Variants in GPR61 observed in about 807,000 individuals in gnomAD.
GPR61 encodes G protein-coupled receptor 61.
GPR61 carries 15 observed loss-of-function variants against 29.2 expected under a neutral mutation model. The ratio of observed to expected loss-of-function variants is 0.51; its 90% CI spans 0.34 to 0.79. GPR61 has a LOEUF of 0.79. GPR61 is among the 30% of genes least tolerant of loss of function. The pLI, the probability that GPR61 is intolerant of heterozygous loss-of-function variation, is 0.01. For missense variants in GPR61, 399 were observed against 582.5 expected, an observed-to-expected ratio of 0.69 and a Z score of 3.24; for synonymous variants, 238 against 242.3, an observed-to-expected ratio of 0.98 and a Z score of 0.17.
chr1:109,544,750 T>C lies in GPR61; in HGVS notation c.*372T>C, dbSNP rs1243162010. ...CAGCAGGCCAGGTTTGGAGTTATTC[T>C]AGGGGCCATTTAGGATATTTTATTT... On this transcript the variant is annotated 3_prime_UTR_variant, in exon 2 of 2. Transcript: ENST00000527748. This position sits in a 1 kb window ranked among gnomAD's most constrained non-coding sequence, Gnocchi z 4.6. 12 of 223,282 alleles carry C rather than the reference T, an allele frequency of 5.4e-5. No individual in the cohort carries two copies. The East Asian group carries it at 1.2e-3, about 22-fold the overall frequency. The allele number at this position is 223,282 out of a possible 1,614,324, so 13.8% of individuals were successfully genotyped here. A position where few individuals can be genotyped will look rare whatever the true frequency, so the allele number is the denominator to read the frequency against.
intron 1 of GPR61, among the ~76,000 whole-genome samples, chr1:109,540,885 A>G (rs372751738): frequency 3.1e-4 from 47 of 152,338 alleles, no homozygotes; most frequent in East Asian, 2.7e-3. Flanking sequence ...TCAGGGCTCC[A>G]TCATGGCTTC....
At chr1:109,542,105 G>C (rs1299164463) in intron 1 of GPR61, among the ~76,000 whole-genome samples, 2 of 152,238 alleles carry the variant, frequency 1.3e-5, no homozygotes, top group Non-Finnish European at 2.9e-5. Flanking sequence ...GTGGGCAAGA[G>C]TACTGGACCT....
In GPR61 at chr1:109,542,890, A is replaced by T; in HGVS notation, c.-133A>T. The T allele has an allele frequency of 1.5e-6, 2 of 1,293,158 alleles. No homozygotes were observed. The highest frequency in any genetic ancestry group is 2.6e-5 in the South Asian group (2 of 78,348). The allele number at this position is 1,293,158 out of a possible 1,614,324, so 80.1% of individuals were successfully genotyped here. ...GCTCTGTACGCAGACAAACCTGCCC[A>T]AGAGGCTCCAGTGGGAGGTGCCCCC... is the stretch of plus-strand genomic sequence containing the variant. On this transcript the variant is annotated 5_prime_UTR_variant, in exon 2 of 2. Coordinates refer to ENST00000527748, the MANE Select transcript of GPR61 (RefSeq NM_001393907.1).
rs1267546671 is a variant in GPR61 at position 109,542,995 on chromosome 1, G to T, written c.-28G>T. ...GATGGGGGATGGGCCTGTGACAGGA[G>T]GTACCCTGGGTGCCCTCTTTCGGCC... is the stretch of plus-strand genomic sequence containing the variant. On this transcript the variant is annotated 5_prime_UTR_variant, in exon 2 of 2. It adds an upstream start codon to the 5' untranslated region. Coordinates refer to ENST00000527748, the MANE Select transcript of GPR61 (RefSeq NM_001393907.1). The T allele has an allele frequency of 1.3e-6, 2 of 1,549,282 alleles. No individual in the cohort carries two copies. Among genetic ancestry groups the T allele is most frequent in the Admixed American group, 3.8e-5 (2 of 52,342 alleles).
intron 1 of GPR61, among the ~76,000 whole-genome samples, chr1:109,541,453 G>A (rs1647639170): frequency 6.6e-6 from 1 of 152,260 alleles, no homozygotes; most frequent in South Asian, 2.1e-4. Context: ...TAGCATGTTA[G>A]AAGTTGGATT....
intron 1 of GPR61, among the ~76,000 whole-genome samples, chr1:109,541,413 C>G (rs903997043): frequency 6.6e-6 from 1 of 152,190 alleles, no homozygotes; most frequent in South Asian, 2.1e-4. Flanking sequence ...ATTCAATTCA[C>G]AAAATTGTAT....
chr1:109,542,518 C>T lies in GPR61; in HGVS notation c.-505C>T. On this transcript the variant is annotated 5_prime_UTR_variant, in exon 2 of 2. Coordinates refer to ENST00000527748, the MANE Select transcript of GPR61 (RefSeq NM_001393907.1). Reference sequence around the variant, plus strand: ...TAAATTTTGTGCTCCTTCTACTCCCCAGCAGCTCTTGCCATTCTGAGGAGA... The same window carrying T: ...TAAATTTTGTGCTCCTTCTACTCCCTAGCAGCTCTTGCCATTCTGAGGAGA... 8.6e-6 allele frequency: 3 copies of T among 349,170 alleles called. No homozygotes were observed. Among genetic ancestry groups the T allele is most frequent in the Non-Finnish European group, 1.7e-5 (3 of 172,404 alleles). 21.6% of individuals were successfully genotyped at this position (349,170 alleles called of 1,614,324 possible).
rs1157687788 is a variant in GPR61 at position 109,542,893 on chromosome 1, A to G, written c.-130A>G. On this transcript the variant is annotated 5_prime_UTR_variant, in exon 2 of 2. Coordinates refer to ENST00000527748, the MANE Select transcript of GPR61 (RefSeq NM_001393907.1). The stretch of plus-strand genomic sequence containing the variant: ...CTGTACGCAGACAAACCTGCCCAAG[A>G]GGCTCCAGTGGGAGGTGCCCCCTAC... 1 of 1,303,010 alleles carries G rather than the reference A, an allele frequency of 7.7e-7. No individual in the cohort carries two copies. The highest frequency in any genetic ancestry group is 2.5e-5 in the East Asian group (1 of 39,766). 80.7% of individuals were successfully genotyped at this position (1,303,010 alleles called of 1,614,324 possible). A position where few individuals can be genotyped will look rare whatever the true frequency, so the allele number is the denominator to read the frequency against.
chr1:109,542,986 G>C lies in GPR61; in HGVS notation c.-37G>C. ...CTGGACTAGGATGGGGGATGGGCCT[G>C]TGACAGGAGGTACCCTGGGTGCCCT... On this transcript the variant is annotated 5_prime_UTR_variant, in exon 2 of 2. Coordinates refer to ENST00000527748, the MANE Select transcript of GPR61 (RefSeq NM_001393907.1). 6.4e-7 allele frequency: 1 copy of C among 1,552,780 alleles called. No homozygotes were observed. The highest frequency in any genetic ancestry group is 8.7e-7 in the Non-Finnish European group (1 of 1,147,560).
rs1185390082 is a variant in GPR61 at position 109,543,677 on chromosome 1, T to C, written c.655T>C (p.Leu219=). 6.2e-7 allele frequency: 1 copy of C among 1,613,914 alleles called. No homozygotes were observed. The highest frequency in any genetic ancestry group is 1.1e-5 in the South Asian group (1 of 91,088). The change falls in exon 2 of 2, where the codon TTG becomes CTG. Residue 219 remains leucine (L), a synonymous_variant. Coordinates refer to ENST00000527748, the MANE Select transcript of GPR61 (RefSeq NM_001393907.1). The surrounding 1 kb of genome is among the most constrained non-coding windows in gnomAD (Gnocchi z 6.8). ...GGTCTTTGCTGTCCTTTACTTTCTGTTGCCCCTGCTCCTCATACTTGTGGT... is the reference window on the plus strand; with the variant it reads ...GGTCTTTGCTGTCCTTTACTTTCTGCTGCCCCTGCTCCTCATACTTGTGGT... ...VVVFAVLYFL[L]PLLLILVVYC...
intron 1 of GPR61, 53 bp from the exon 2 acceptor site, chr1:109,542,369 G>T: frequency 3.6e-6 from 1 of 278,580 alleles, no homozygotes; most frequent in South Asian, 3.7e-5. Context: ...AACAAATCAC[G>T]CAGGATCCAG....
Position 109,544,288 on chromosome 1 carries a change from C to T in GPR61, c.1266C>T (p.Thr422=), listed in dbSNP as rs1647731819. The T allele has an allele frequency of 6.2e-7, 1 of 1,613,842 alleles. No homozygotes were observed. Among genetic ancestry groups the T allele is most frequent in the South Asian group, 1.1e-5 (1 of 91,066 alleles). The change falls in exon 2 of 2, where the codon ACC becomes ACT. Residue 422 remains threonine, a synonymous_variant. Coordinates refer to ENST00000527748, the MANE Select transcript of GPR61 (RefSeq NM_001393907.1). This position sits in a 1 kb window ranked among gnomAD's most constrained non-coding sequence, Gnocchi z 4.6. ...FRIPGQIAEE[T]SEFLEQQLTS... ...TCCCAGGCCAGATAGCTGAGGAGAC[C>T]TCTGAGTTCCTGGAGCAGCAACTCA...
At position 109,541,497 on chromosome 1, in the gene GPR61, G is replaced by A. The variant is rs561661806; in HGVS notation, c.-601-925G>A. 2.0e-5 allele frequency among the ~76,000 whole-genome samples: 3 copies of A among 152,362 alleles called. No homozygotes were observed. The South Asian group carries it at 6.2e-4, about 32-fold the overall frequency. Reference sequence around the variant, plus strand: ...GTTTATGGAAACACCAAAAACCAAAGGTGACTGTAAGGCTATAACTGTGGA... The same window carrying A: ...GTTTATGGAAACACCAAAAACCAAAAGTGACTGTAAGGCTATAACTGTGGA... On this transcript the variant is annotated intron_variant, in intron 1 of 1. Coordinates refer to ENST00000527748, the MANE Select transcript of GPR61 (RefSeq NM_001393907.1).
chr1:109,543,724 G>A lies in GPR61; in HGVS notation c.702G>A (p.Val234=). ...ILVVYCSMFR[V]ARVAAMQHGP... ...TGGTCTACTGCAGCATGTTCCGAGTGGCCCGCGTGGCTGCCATGCAGCACG... is the reference window on the plus strand; with the variant it reads ...TGGTCTACTGCAGCATGTTCCGAGTAGCCCGCGTGGCTGCCATGCAGCACG... The change falls in exon 2 of 2, where the codon GTG becomes GTA. Residue 234 remains valine (V), a synonymous_variant. Coordinates refer to ENST00000527748, the MANE Select transcript of GPR61 (RefSeq NM_001393907.1). The surrounding 1 kb of genome is among the most constrained non-coding windows in gnomAD (Gnocchi z 6.8). 6.2e-7 allele frequency: 1 copy of A among 1,613,280 alleles called. No individual in the cohort carries two copies. Among genetic ancestry groups the A allele is most frequent in the Non-Finnish European group, 8.5e-7 (1 of 1,180,018 alleles).
Position 109,546,306 on chromosome 1 carries a change from C to A in GPR61, c.*1928C>A, listed in dbSNP as rs185804900. On this transcript the variant is annotated 3_prime_UTR_variant, in exon 2 of 2. Coordinates refer to ENST00000527748, the MANE Select transcript of GPR61 (RefSeq NM_001393907.1). ...ACATAGTATATATAGGGAGGAGAGT[C>A]CTTTGTGATTGAAAAACATGTTCAC... 1 of 152,098 alleles carries A rather than the reference C, an allele frequency of 6.6e-6. No individual in the cohort carries two copies. Among genetic ancestry groups the A allele is most frequent in the Non-Finnish European group, 1.5e-5 (1 of 68,024 alleles). 9.4% of individuals were successfully genotyped at this position (152,098 alleles called of 1,614,324 possible).
chr1:109,544,675 G>T lies in GPR61; in HGVS notation c.*297G>T. 2.6e-6 allele frequency: 1 copy of T among 380,298 alleles called. No individual in the cohort carries two copies. The highest frequency in any genetic ancestry group is 5.0e-6 in the Non-Finnish European group (1 of 201,092). 23.6% of individuals were successfully genotyped at this position (380,298 alleles called of 1,614,324 possible). A position where few individuals can be genotyped will look rare whatever the true frequency, so the allele number is the denominator to read the frequency against. Reference sequence around the variant, plus strand: ...ACCTCTCAATTGGTGAAATTTCCATGCTTCCAGAAGCAGGGAATTCTCTAA... The same window carrying T: ...ACCTCTCAATTGGTGAAATTTCCATTCTTCCAGAAGCAGGGAATTCTCTAA... On this transcript the variant is annotated 3_prime_UTR_variant, in exon 2 of 2. Coordinates refer to ENST00000527748, the MANE Select transcript of GPR61 (RefSeq NM_001393907.1). The surrounding 1 kb of genome is among the most constrained non-coding windows in gnomAD (Gnocchi z 4.6).
In GPR61 at chr1:109,542,892, G is replaced by C. The variant is rs1451138710; in HGVS notation, c.-131G>C. ...TCTGTACGCAGACAAACCTGCCCAA[G>C]AGGCTCCAGTGGGAGGTGCCCCCTA... On this transcript the variant is annotated 5_prime_UTR_variant, in exon 2 of 2. Coordinates refer to ENST00000527748, the MANE Select transcript of GPR61 (RefSeq NM_001393907.1). 6 of 1,302,952 alleles carry C rather than the reference G, an allele frequency of 4.6e-6. No individual in the cohort carries two copies. The Admixed American group carries it at 5.9e-5, about 13-fold the overall frequency. 80.7% of individuals were successfully genotyped at this position (1,302,952 alleles called of 1,614,324 possible).
rs1371923070 is a variant in GPR61, at chr1:109,547,224, G to A, written c.*2846G>A. The A allele has an allele frequency of 3.3e-5, 5 of 152,178 alleles. No homozygotes were observed. Among genetic ancestry groups the A allele is most frequent in the Admixed American group, 2.6e-4 (4 of 15,274 alleles). The allele number at this position is 152,178 out of a possible 1,614,324, so 9.4% of individuals were successfully genotyped here. Reference sequence around the variant, plus strand: ...GATGTGGGAGCACCTAGCCGTATCTGGCAAATAGGTACTCAATAAATACTG... The same window carrying A: ...GATGTGGGAGCACCTAGCCGTATCTAGCAAATAGGTACTCAATAAATACTG... On this transcript the variant is annotated 3_prime_UTR_variant, in exon 2 of 2. Coordinates refer to ENST00000527748, the MANE Select transcript of GPR61 (RefSeq NM_001393907.1).
chr1:109,543,211 G>GA lies in GPR61; in HGVS notation c.190dup (p.Met64AsnfsTer43). 6.2e-7 allele frequency: 1 copy of GA among 1,614,176 alleles called. No individual in the cohort carries two copies. Among genetic ancestry groups the GA allele is most frequent in the Non-Finnish European group, 8.5e-7 (1 of 1,180,024 alleles). ...CTGCTGTGGCTGGCAATGCCGCTGT[G>GA]ATGGCCGTGATCGCCAAGACGCCTG... On this transcript the variant is annotated frameshift_variant, in exon 2 of 2. Coordinates refer to ENST00000527748, the MANE Select transcript of GPR61 (RefSeq NM_001393907.1). LOFTEE classifies it high-confidence loss of function. This position sits in a 1 kb window ranked among gnomAD's most constrained non-coding sequence, Gnocchi z 6.8.
Sources: gnomAD v4.1 joint callset for allele counts (sites outside exome capture counted in the v4.1 genomes callset) on GRCh38, gnomAD v4.1.1 for gene constraint, Gnocchi (gnomAD v3.1) non-coding constraint, MANE v1.5 for transcripts, NCBI Gene and HGNC (gene_info 2026-07-23, HGNC 2026-07-21) for gene names.